Variants in TBC1D1 observed in about 807,000 individuals in gnomAD.
TBC1D1 encodes TBC1 domain family member 1, also known as TBC1 (tre-2/USP6, BUB2, cdc16) domain family, member 1.
A neutral mutation model predicts 125.6 loss-of-function variants in TBC1D1; 89 were observed. The observed-to-expected ratio is 0.71, with a 90% CI of 0.60 to 0.85. The LOEUF is 0.85. Among genes scored for constraint, TBC1D1 ranks in the 40% least tolerant of loss-of-function variants. The pLI, the probability that TBC1D1 is intolerant of heterozygous loss-of-function variation, is 0.00. For synonymous variants in TBC1D1, 565 were observed against 564.1 expected, an observed-to-expected ratio of 1.00 and a Z score of -0.02; for missense variants, 1,377 against 1,469.2, an observed-to-expected ratio of 0.94 and a Z score of 1.03.
intron 2 of TBC1D1, among the ~76,000 whole-genome samples, chr4:37,968,964 G>T (rs1731554527): frequency 6.6e-6 from 1 of 152,196 alleles, no homozygotes; most frequent in Non-Finnish European, 1.5e-5. Flanking sequence ...ACACTTGGAC[G>T]ATTTGTGGCT....
At chr4:38,072,894 C>T (rs1754944024) in intron 12 of TBC1D1, among the ~76,000 whole-genome samples, 1 of 152,160 alleles carries the variant, frequency 6.6e-6, no homozygotes. Flanking sequence ...TGGTTTATTT[C>T]GCTTAGCATA....
intron 19 of TBC1D1, among the ~76,000 whole-genome samples, chr4:38,135,562 G>C (rs1198299270): frequency 6.6e-6 from 1 of 152,232 alleles, no homozygotes; most frequent in East Asian, 1.9e-4. Flanking sequence ...CTAAGCTGCA[G>C]GTTGCACCTC....
intron 2 of TBC1D1, among the ~76,000 whole-genome samples, chr4:37,992,963 C>T (rs1736955604): frequency 6.6e-6 from 1 of 151,904 alleles, no homozygotes; most frequent in African/African-American, 2.4e-5. Context: ...TGTCATCATG[C>T]CCAGCTAATT....
chr4:38,108,968 C>T (rs1761787659), intron 15 of TBC1D1, among the ~76,000 whole-genome samples: 1 of 152,212 alleles, frequency 6.6e-6, no homozygotes, highest in African/African-American at 2.4e-5. Context: ...GGCTGCCTCG[C>T]TCGGCCAGGA....
intron 6 of TBC1D1, among the ~76,000 whole-genome samples, chr4:38,025,680 G>A (rs890380088): frequency 2.6e-5 from 4 of 152,078 alleles, no homozygotes; most frequent in South Asian, 2.1e-4. Context: ...ATGATACTTC[G>A]GCTGTCAGAG....
chr4:37,924,752 AT>A lies in TBC1D1; in HGVS notation c.417+22244del, dbSNP rs2152278679. Among the ~76,000 whole-genome samples the A allele has an allele frequency of 1.3e-5, 2 of 152,140 alleles. 1 individual carries two copies. Among genetic ancestry groups the A allele is most frequent in the East Asian group, 3.9e-4 (2 of 5,178 alleles). ...TTATTCCCTTGCATGTATATGCCAC[AT>A]TTTGCTTATCCATGTATCTGTCGAT... On this transcript the variant is annotated intron_variant, in intron 2 of 19. Transcript: ENST00000261439.
intron 12 of TBC1D1, among the ~76,000 whole-genome samples, chr4:38,059,939 T>C (rs1326954534): frequency 6.6e-6 from 1 of 152,212 alleles, no homozygotes; most frequent in Admixed American, 6.5e-5. Flanking sequence ...TGTGTTCTCA[T>C]GATTCAGCTC....
Position 38,105,344 on chromosome 4 carries a change from G to T in TBC1D1, c.2557+2187G>T, listed in dbSNP as rs969489606. 2.0e-5 allele frequency among the ~76,000 whole-genome samples: 3 copies of T among 152,162 alleles called. No homozygotes were observed. In the East Asian group the frequency reaches 5.8e-4, roughly 29 times the overall value. On this transcript the variant is annotated intron_variant, in intron 15 of 19. Coordinates refer to ENST00000261439, the MANE Select transcript of TBC1D1 (RefSeq NM_015173.4). The stretch of plus-strand genomic sequence containing the variant: ...AGATGTTGTTCTGTTTCTCTTTAGA[G>T]TTGAGAAAATAGAAACAGACAGGTT...
chr4:38,118,343 G>T (rs1763311535), intron 17 of TBC1D1, 151 bp downstream of exon 19: 4 of 934,060 alleles, frequency 4.3e-6, no homozygotes, highest in Non-Finnish European at 4.7e-6. Flanking sequence ...TCAGGGGTGG[G>T]TTTTGTGACT....
intron 2 of TBC1D1, among the ~76,000 whole-genome samples, chr4:37,993,907 A>T (rs1448955848): frequency 6.6e-6 from 1 of 152,222 alleles, no homozygotes; most frequent in Non-Finnish European, 1.5e-5. Context: ...GCACATTCCC[A>T]GCATCAGCTC....
chr4:37,907,912 T>C (rs1456552263), intron 2 of TBC1D1, among the ~76,000 whole-genome samples: 1 of 152,254 alleles, frequency 6.6e-6, no homozygotes, highest in Non-Finnish European at 1.5e-5. Context: ...AGATCATTCA[T>C]AAAAGTAATT....
intron 2 of TBC1D1, among the ~76,000 whole-genome samples, chr4:37,973,066 G>T (rs901967513): frequency 6.6e-6 from 1 of 152,082 alleles, no homozygotes; most frequent in African/African-American, 2.4e-5. Context: ...GAGCTGTCAC[G>T]TATATTTCTT....
intron 2 of TBC1D1, among the ~76,000 whole-genome samples, chr4:37,951,426 A>G (rs1727845626): frequency 6.6e-6 from 1 of 152,206 alleles, no homozygotes; most frequent in Non-Finnish European, 1.5e-5. Flanking sequence ...AAAAAAATAC[A>G]TGGCCTCAGA....
rs71190940 is a variant in TBC1D1, at chr4:38,006,474, A to ATTTT, written c.418-8016_418-8013dup. On this transcript the variant is annotated intron_variant, in intron 2 of 19. Coordinates refer to ENST00000261439, the MANE Select transcript of TBC1D1 (RefSeq NM_015173.4). ...TTTTCCCTCTTGAGGGACCAACACT[A>ATTTT]TTTTTTTTTTTTTTTTTTTTTTGAG... Among the ~76,000 whole-genome samples the ATTTT allele has an allele frequency of 6.5e-4, 66 of 101,356 alleles. 1 individual carries two copies. Among genetic ancestry groups the ATTTT allele is most frequent in the East Asian group, 2.0e-3 (7 of 3,460 alleles). The allele number at this position is 101,356 out of a possible 152,430, so 66.5% of individuals were successfully genotyped here. A position where few individuals can be genotyped will look rare whatever the true frequency, so the allele number is the denominator to read the frequency against.
intron 12 of TBC1D1, among the ~76,000 whole-genome samples, chr4:38,057,369 T>C (rs1274644169): frequency 6.6e-6 from 1 of 152,092 alleles, no homozygotes; most frequent in Non-Finnish European, 1.5e-5. Context: ...CCATAGCAGC[T>C]CTCTCCCTGT....
intron 13 of TBC1D1, among the ~76,000 whole-genome samples, chr4:38,093,755 A>G (rs1198089787): frequency 6.6e-6 from 1 of 151,592 alleles, no homozygotes; most frequent in African/African-American, 2.4e-5. Context: ...ATGGTCTCGA[A>G]CTCCTGACCT....
intron 14 of TBC1D1, among the ~76,000 whole-genome samples, chr4:38,100,435 C>T (rs192478275): frequency 6.6e-6 from 1 of 152,338 alleles, no homozygotes; most frequent in East Asian, 1.9e-4. Context: ...TCATCTCCTC[C>T]TCTGTATGTC....
intron 2 of TBC1D1, among the ~76,000 whole-genome samples, chr4:37,910,094 C>A (rs1366270410): frequency 6.6e-6 from 1 of 152,152 alleles, no homozygotes; most frequent in Non-Finnish European, 1.5e-5. Context: ...GTGATAGATG[C>A]TTAATTTTTT....
intron 2 of TBC1D1, among the ~76,000 whole-genome samples, chr4:37,907,890 G>C (rs1717676350): frequency 6.6e-6 from 1 of 152,134 alleles, no homozygotes; most frequent in African/African-American, 2.4e-5. Context: ...CCCTCATACT[G>C]ATTGTCATTT....
Sources: allele counts gnomAD v4.1 joint callset (sites outside exome capture counted in the v4.1 genomes callset), GRCh38; gene constraint gnomAD v4.1.1; transcripts MANE v1.5; gene names NCBI Gene and HGNC (gene_info 2026-07-23, HGNC 2026-07-21).